The following TNRC6B variants were observed in gnomAD, a reference collection of about 807,000 sequenced individuals.
TNRC6B encodes the protein trinucleotide repeat containing adaptor 6B.
A neutral mutation model predicts 203.6 loss-of-function variants in TNRC6B; 52 were observed. That is an observed-to-expected ratio of 0.26 (90% CI 0.20 to 0.32). TNRC6B has a LOEUF of 0.32. TNRC6B is among the 10% of genes least tolerant of loss of function. The probability of loss-of-function intolerance (pLI) is 1.00; values close to 1 mark genes in which losing one functional copy is unlikely to be tolerated. For missense variants in TNRC6B, 1,923 were observed against 2,286.2 expected, an observed-to-expected ratio of 0.84 and a Z score of 3.24; for synonymous variants, 838 against 845.7, an observed-to-expected ratio of 0.99 and a Z score of 0.16.
At chr22:40,284,979 A>G (rs766972324) in intron 11 of TNRC6B, among the ~76,000 whole-genome samples, 14 of 152,212 alleles carry the variant, frequency 9.2e-5, no homozygotes, top group Non-Finnish European at 2.1e-4. Context: ...GCCTCCAGAA[A>G]GGAGGGAGTT....
chr22:40,206,996 G>A (rs1181600698), intron 1 of TNRC6B, among the ~76,000 whole-genome samples: 1 of 151,972 alleles, frequency 6.6e-6, no homozygotes, highest in Non-Finnish European at 1.5e-5. Flanking sequence ...CTCGACCTCC[G>A]AAGGCTCTAG....
intron 17 of TNRC6B, among the ~76,000 whole-genome samples, chr22:40,311,608 CTTGG>C (rs780788667): frequency 1.2e-4 from 18 of 150,964 alleles, no homozygotes; most frequent in Admixed American, 4.0e-4. Context: ...GTGGTGCGAT[CTTGG>C]TTCACTGCAA....
Position 40,267,032 on chromosome 22 carries a change from A to G in TNRC6B, c.2802A>G (p.Ala934=), listed in dbSNP as rs2070492113. The G allele has an allele frequency of 6.3e-7, 1 of 1,590,374 alleles. No individual in the cohort carries two copies. Among genetic ancestry groups the G allele is most frequent in the Non-Finnish European group, 8.6e-7 (1 of 1,167,966 alleles). The change falls in exon 5 of 23, where the codon GCA becomes GCG. Residue 934 remains alanine (A), a synonymous_variant. Transcript: ENST00000454349. ...CCACCCCAATGACCAGTAAATCGGCATCAGGTAAGCAGTGGCTTTCTCTTG... is the reference window on the plus strand; with the variant it reads ...CCACCCCAATGACCAGTAAATCGGCGTCAGGTAAGCAGTGGCTTTCTCTTG... ...NLPTPMTSKS[A]SVWSKSTPPA... is the part of the protein sequence containing the mutation.
intron 1 of TNRC6B, among the ~76,000 whole-genome samples, chr22:40,065,041 G>C (rs1272106441): frequency 6.7e-6 from 1 of 149,476 alleles, no homozygotes; most frequent in Non-Finnish European, 1.5e-5. Flanking sequence ...GTTTTTTCTT[G>C]TGTCTTTTTC....
At chr22:40,316,987 A>G (rs1387047054) in intron 21 of TNRC6B, among the ~76,000 whole-genome samples, 4 of 152,172 alleles carry the variant, frequency 2.6e-5, no homozygotes. Flanking sequence ...GATTTGCTAT[A>G]CAAATGTGCA....
In TNRC6B at chr22:40,315,935, C is replaced by G; in HGVS notation, c.4904-7C>G. On this transcript the variant is annotated splice_polypyrimidine_tract_variant and splice_region_variant and intron_variant, in intron 20 of 22. Transcript: ENST00000454349. ...CTCTTCCTAACCATTTTTCTGGTTG[C>G]TCATAGCCTCTACCTGGAGTGATGG... The G allele has an allele frequency of 6.2e-7, 1 of 1,612,612 alleles. No homozygotes were observed. Among genetic ancestry groups the G allele is most frequent in the Non-Finnish European group, 8.5e-7 (1 of 1,179,000 alleles).
rs535930550 is a variant in TNRC6B, at chr22:40,198,377, T to C, written c.5+20237T>C. On this transcript the variant is annotated intron_variant, in intron 1 of 22. Transcript: ENST00000454349. ...TTAATTCTTTTTAATTTTAAAAGCATTCTTCTTTTCTCTCTCTTTTCCTTC... is the reference window on the plus strand; with the variant it reads ...TTAATTCTTTTTAATTTTAAAAGCACTCTTCTTTTCTCTCTCTTTTCCTTC... Among the ~76,000 whole-genome samples the C allele has an allele frequency of 2.6e-5, 4 of 152,252 alleles. No homozygotes were observed. The South Asian group carries it at 8.3e-4, about 32-fold the overall frequency.
Position 40,070,532 on chromosome 22 carries a change from A to G in TNRC6B, c.-121+25534A>G, listed in dbSNP as rs543217035. On this transcript the variant is annotated intron_variant, in intron 1 of 23. Coordinates refer to the TNRC6B transcript ENST00000301923. ...GTTTCCTTCAGAAAGAAGTTAAAAT[A>G]AGACTTAATGTTGAAGTGGAATAAA... 1.4e-4 allele frequency among the ~76,000 whole-genome samples: 21 copies of G among 152,364 alleles called. No individual in the cohort carries two copies. The South Asian group carries it at 4.3e-3, about 32-fold the overall frequency.
chr22:40,323,112 A>G lies in TNRC6B; in HGVS notation c.5373A>G (p.Ser1791=). Residue 1791 remains serine, a synonymous_variant, in exon 23 of 23, where the codon TCA becomes TCG. Transcript: ENST00000454349. ...GSSGADLAGA[S]LWGPPNYSSS... is the part of the protein sequence containing the mutation. ...GCGGGGCCGATCTTGCTGGCGCTTC[A>G]TTGTGGGGGCCCCCAAACTATTCTT... The G allele has an allele frequency of 6.2e-7, 1 of 1,612,476 alleles. No individual in the cohort carries two copies. Among genetic ancestry groups the G allele is most frequent in the Admixed American group, 1.7e-5 (1 of 59,646 alleles).
At chr22:40,275,663 T>C (rs1032956727) in intron 7 of TNRC6B, among the ~76,000 whole-genome samples, 14 of 152,126 alleles carry the variant, frequency 9.2e-5, no homozygotes, top group Non-Finnish European at 1.5e-5. Context: ...TTTTTTGACC[T>C]TAAAACCTGT....
At chr22:40,082,157 A>G (rs1377425330) in intron 1 of TNRC6B, among the ~76,000 whole-genome samples, 2 of 152,220 alleles carry the variant, frequency 1.3e-5, no homozygotes, top group Admixed American at 6.5e-5. Flanking sequence ...CTACTTTTGT[A>G]TATGTTAGTA....
chr22:40,179,304 A>G (rs2069104026), intron 1 of TNRC6B, among the ~76,000 whole-genome samples: 1 of 151,966 alleles, frequency 6.6e-6, no homozygotes, highest in South Asian at 2.1e-4. Context: ...GGCTGAAAGG[A>G]TTGTAGTTTG....
chr22:40,239,172 C>T (rs2069991540), intron 1 of TNRC6B, among the ~76,000 whole-genome samples: 1 of 152,162 alleles, frequency 6.6e-6, no homozygotes, highest in Non-Finnish European at 1.5e-5. Flanking sequence ...CACGGCACTG[C>T]AGCGTGGGTG....
At chr22:40,271,766 A>G (rs1337759145) in intron 6 of TNRC6B, among the ~76,000 whole-genome samples, 1 of 152,132 alleles carries the variant, frequency 6.6e-6, no homozygotes, top group Non-Finnish European at 1.5e-5. Flanking sequence ...AATGTCTTCT[A>G]CTCTTCAGGA....
rs1307272261 is a variant in TNRC6B, at chr22:40,332,232, A to G, written c.*8991A>G. On this transcript the variant is annotated 3_prime_UTR_variant, in exon 23 of 23. Transcript: ENST00000454349. ...TGTTTAAGTGAACTTACTCTTAGTT[A>G]TAAGGAACTGTCCTGCTTTGTGGGG... 6.6e-6 allele frequency: 1 copy of G among 152,478 alleles called. No individual in the cohort carries two copies. The highest frequency in any genetic ancestry group is 1.9e-4 in the East Asian group (1 of 5,186). 9.4% of individuals were successfully genotyped at this position (152,478 alleles called of 1,614,324 possible).
At chr22:40,203,822 A>G (rs1243263429) in intron 1 of TNRC6B, among the ~76,000 whole-genome samples, 1 of 152,240 alleles carries the variant, frequency 6.6e-6, no homozygotes, top group Non-Finnish European at 1.5e-5. Context: ...GGGTTCGGTG[A>G]TGTAGAATGC....
chr22:40,164,052 T>G (rs972675337), intron 4 of TNRC6B, among the ~76,000 whole-genome samples: 6 of 152,060 alleles, frequency 3.9e-5, no homozygotes, highest in African/African-American at 1.4e-4. Flanking sequence ...ACACACTCAC[T>G]TTGAAATCTG....
intron 1 of TNRC6B, among the ~76,000 whole-genome samples, chr22:40,084,815 G>A (rs2146291891): frequency 6.6e-6 from 1 of 152,256 alleles, no homozygotes; most frequent in Non-Finnish European, 1.5e-5. Flanking sequence ...ATGACGAAGG[G>A]TTTTGAAAGT....
intron 6 of TNRC6B, 51 bp downstream of exon 6, chr22:40,270,331 T>A (rs956736715): frequency 1.1e-5 from 13 of 1,235,398 alleles, no homozygotes; most frequent in African/African-American, 6.4e-5. Flanking sequence ...TTTTTTTTTT[T>A]AATTGAGACG....
Sources: allele counts gnomAD v4.1 joint callset (sites outside exome capture counted in the v4.1 genomes callset), GRCh38; gene constraint gnomAD v4.1.1; transcripts MANE v1.5; gene names NCBI Gene and HGNC (gene_info 2026-07-23, HGNC 2026-07-21).